TNIK: variants seen among roughly 807,000 people sequenced by gnomAD.
The protein encoded by TNIK is TRAF2 and NCK-interacting protein kinase.
TNIK carries 49 observed loss-of-function variants against 191.3 expected under a neutral mutation model. That is an observed-to-expected ratio of 0.26 (90% confidence interval 0.20 to 0.32). The LOEUF is 0.32. Among genes scored for constraint, TNIK ranks in the 10% least tolerant of loss-of-function variants. The pLI is 1.00. For missense variants in TNIK, 1,155 were observed against 1,702.3 expected (o/e 0.68, Z 5.66); for synonymous variants, 594 against 600.9 (o/e 0.99, Z 0.17).
intron 2 of TNIK, among the ~76,000 whole-genome samples, chr3:171,257,653 T>C (rs957130): frequency 0.56 from 84,806 of 151,980 alleles, 24,379 homozygotes; most frequent in African/African-American, 0.68. Context: ...TTTCAAAGCC[T>C]AGCTGGGGTT....
intron 2 of TNIK, among the ~76,000 whole-genome samples, chr3:171,275,492 A>C (rs1000705856): frequency 4.6e-5 from 7 of 152,348 alleles, no homozygotes; most frequent in Admixed American, 2.0e-4. Context: ...GAAGTAAACT[A>C]GAAAAAATCT....
Position 171,397,327 on chromosome 3 carries a change from C to T in TNIK, c.58-27642G>A, listed in dbSNP as rs148483555. On this transcript the variant is annotated intron_variant, in intron 1 of 32. Transcript: ENST00000436636. Reference sequence around the variant, plus strand: ...GAGTGAGGTGACGGACCAAGGAGTACATTATTCACCTTTACATTAGCTATG... The same window carrying T: ...GAGTGAGGTGACGGACCAAGGAGTATATTATTCACCTTTACATTAGCTATG... Among the ~76,000 whole-genome samples the T allele has an allele frequency of 7.9e-4, 120 of 152,310 alleles. 1 individual carries two copies. The highest frequency in any genetic ancestry group is 2.9e-3 in the African/African-American group (119 of 41,560).
intron 1 of TNIK, among the ~76,000 whole-genome samples, chr3:171,438,090 T>C (rs1443114276): frequency 6.6e-6 from 1 of 152,240 alleles, no homozygotes; most frequent in African/African-American, 2.4e-5. Context: ...AAAATTCACC[T>C]GTGTCTCATT....
rs1297526098 is a variant in TNIK, at chr3:171,094,255, C to T, written c.2592-287G>A. Among the ~76,000 whole-genome samples, 6 of 152,116 alleles carry T rather than the reference C, an allele frequency of 3.9e-5. No homozygotes were observed. In the East Asian group the frequency reaches 1.2e-3, roughly 29 times the overall value. Reference sequence around the variant, plus strand: ...GTTCACGCCATTCTCCTGCCTCAGCCTCCCGAGTAGCTGGGACTACAGGCG... The same window carrying T: ...GTTCACGCCATTCTCCTGCCTCAGCTTCCCGAGTAGCTGGGACTACAGGCG... On this transcript the variant is annotated intron_variant, in intron 22 of 32. Transcript: ENST00000436636.
chr3:171,313,968 A>G (rs546005705), intron 2 of TNIK, among the ~76,000 whole-genome samples: 1 of 152,308 alleles, frequency 6.6e-6, no homozygotes, highest in South Asian at 2.1e-4. Context: ...ACAGAGAAAC[A>G]CACAGGCAGG....
intron 26 of TNIK, 149 bp from the exon 27 acceptor site, chr3:171,082,543 T>G: frequency 1.4e-5 from 12 of 867,254 alleles, no homozygotes; most frequent in Non-Finnish European, 2.0e-5. Context: ...GTAGAAGCTC[T>G]GACATAATAA....
intron 2 of TNIK, among the ~76,000 whole-genome samples, chr3:171,251,436 A>T (rs1051264285): frequency 1.3e-5 from 2 of 152,208 alleles, no homozygotes; most frequent in Non-Finnish European, 2.9e-5. Context: ...AGTAAGAAAC[A>T]GGTACTGCCA....
intron 14 of TNIK, 79 bp downstream of exon 14, chr3:171,139,391 C>CAT (rs1245312998): frequency 4.3e-5 from 47 of 1,094,332 alleles, no homozygotes; most frequent in Non-Finnish European, 5.7e-5. Context: ...CACACACACA[C>CAT]ACACACACAC....
chr3:171,159,183 C>G lies in TNIK; in HGVS notation c.1017-1519G>C, dbSNP rs1733636326. ...GAGTGGTTCTGGGGTGGGGACACCA[C>G]CCAGGGCGAGAGCAGAGCGGGTGGA... is the stretch of plus-strand genomic sequence containing the variant. On this transcript the variant is annotated intron_variant, in intron 11 of 32. Coordinates refer to ENST00000436636, the MANE Select transcript of TNIK (RefSeq NM_015028.4). The surrounding 1 kb of genome is among the most constrained non-coding windows in gnomAD (Gnocchi z 4.1). Among the ~76,000 whole-genome samples the G allele has an allele frequency of 6.6e-6, 1 of 151,988 alleles. No homozygotes were observed. The highest frequency in any genetic ancestry group is 2.4e-5 in the African/African-American group (1 of 41,374).
intron 2 of TNIK, among the ~76,000 whole-genome samples, chr3:171,338,162 C>T (rs1757149461): frequency 6.8e-6 from 1 of 147,176 alleles, no homozygotes; most frequent in African/African-American, 2.5e-5. Flanking sequence ...CTTTGATTTC[C>T]AATCAACCAA....
chr3:171,337,048 A>G (rs909008621), intron 2 of TNIK, among the ~76,000 whole-genome samples: 1 of 152,174 alleles, frequency 6.6e-6, no homozygotes, highest in African/African-American at 2.4e-5. Flanking sequence ...TCATGACTAT[A>G]AAATGAGGAT....
intron 1 of TNIK, among the ~76,000 whole-genome samples, chr3:171,375,817 T>C (rs1358334434): frequency 2.0e-5 from 3 of 152,148 alleles, no homozygotes; most frequent in Non-Finnish European, 4.4e-5. Flanking sequence ...TCTTTGAAAA[T>C]GAAATTGACA....
intron 7 of TNIK, among the ~76,000 whole-genome samples, chr3:171,184,701 G>A (rs41491046): frequency 0.038 from 5,833 of 152,196 alleles, 290 homozygotes; most frequent in African/African-American, 0.12. Context: ...CCTGCACGGC[G>A]GAAACTCTAC....
intron 9 of TNIK, among the ~76,000 whole-genome samples, chr3:171,169,078 T>C (rs1233932738): frequency 6.6e-6 from 1 of 152,132 alleles, no homozygotes. Flanking sequence ...AAGGAATGAA[T>C]TGAAGAGAAT....
At chr3:171,268,376 T>A (rs1277092851) in intron 2 of TNIK, among the ~76,000 whole-genome samples, 1 of 152,074 alleles carries the variant, frequency 6.6e-6, no homozygotes, top group East Asian at 1.9e-4. Flanking sequence ...TCAGCCAGAA[T>A]CCTGTGAGGC....
intron 18 of TNIK, 57 bp downstream of exon 18, chr3:171,123,539 T>C: frequency 3.6e-6 from 5 of 1,394,754 alleles, no homozygotes; most frequent in Non-Finnish European, 4.8e-6. Context: ...AGGAAAGCAA[T>C]AATGACAATG....
chr3:171,409,695 C>T (rs1386134680), intron 1 of TNIK, among the ~76,000 whole-genome samples: 1 of 150,356 alleles, frequency 6.7e-6, no homozygotes, highest in Non-Finnish European at 1.5e-5. Context: ...TCATTCCCGT[C>T]CTCCCCAGAC....
chr3:171,211,771 T>C (rs1266071097), intron 3 of TNIK, among the ~76,000 whole-genome samples: 2 of 152,096 alleles, frequency 1.3e-5, no homozygotes, highest in African/African-American at 4.8e-5. Flanking sequence ...TCTAAGGAAG[T>C]TCACAAAGCA....
intron 2 of TNIK, among the ~76,000 whole-genome samples, chr3:171,291,518 G>T (rs959549900): frequency 6.6e-6 from 1 of 151,984 alleles, no homozygotes; most frequent in South Asian, 2.1e-4. Context: ...TTTCTTGTTC[G>T]ACAGGATTGC....
Sources: allele counts gnomAD v4.1 joint callset (sites outside exome capture counted in the v4.1 genomes callset), GRCh38; gene constraint gnomAD v4.1.1; non-coding constraint Gnocchi (gnomAD v3.1); transcripts MANE v1.5; gene names NCBI Gene and HGNC (gene_info 2026-07-23, HGNC 2026-07-21).